SLC35F1: variants seen among roughly 807,000 people sequenced by gnomAD.
SLC35F1 encodes chromosome 6 open reading frame 169.
A neutral mutation model predicts 48.7 loss-of-function variants in SLC35F1; 14 were observed. The ratio of observed to expected loss-of-function variants is 0.29; its 90% CI spans 0.19 to 0.45. The LOEUF is 0.45. SLC35F1 is among the 20% of genes least tolerant of loss of function. The pLI is 1.00. For synonymous variants in SLC35F1, 190 were observed against 202.2 expected, an observed-to-expected ratio of 0.94 and a Z score of 0.51; for missense variants, 404 against 500.0, an observed-to-expected ratio of 0.81 and a Z score of 1.83.
intron 1 of SLC35F1, among the ~76,000 whole-genome samples, chr6:118,126,834 A>G (rs1005590750): frequency 2.0e-5 from 3 of 151,766 alleles, no homozygotes; most frequent in African/African-American, 7.2e-5. Flanking sequence ...TTGATTTTGT[A>G]TCCTGAGACT....
At position 117,924,492 on chromosome 6, in the gene SLC35F1, ACATATGTATATACG is replaced by A. The variant is rs1562239546; in HGVS notation, c.173+16594_173+16607del. On this transcript the variant is annotated intron_variant, in intron 1 of 7. Coordinates refer to ENST00000360388, the MANE Select transcript of SLC35F1 (RefSeq NM_001029858.4). ...TATATACATATGTATATACGTATAT[ACATATGTATATACG>A]TATATACATATATATATGTCAAGTT... 5.4e-4 allele frequency among the ~76,000 whole-genome samples: 12 copies of A among 22,050 alleles called. 1 individual carries two copies. The highest frequency in any genetic ancestry group is 1.0e-3 in the African/African-American group (12 of 11,912). 14.5% of individuals were successfully genotyped at this position (22,050 alleles called of 152,430 possible).
chr6:118,007,458 C>G lies in SLC35F1; in HGVS notation c.173+99559C>G, dbSNP rs1425905875. On this transcript the variant is annotated intron_variant, in intron 1 of 7. Coordinates refer to ENST00000360388, the MANE Select transcript of SLC35F1 (RefSeq NM_001029858.4). Reference sequence around the variant, plus strand: ...GTGGTCTTCCACCAAGCTGTAATCCCCATGGTTGTAGTGACTTCAGGGGTG... The same window carrying G: ...GTGGTCTTCCACCAAGCTGTAATCCGCATGGTTGTAGTGACTTCAGGGGTG... Among the ~76,000 whole-genome samples the G allele has an allele frequency of 2.0e-5, 3 of 152,102 alleles. No homozygotes were observed. In the East Asian group the frequency reaches 5.8e-4, roughly 29 times the overall value.
intron 3 of SLC35F1, among the ~76,000 whole-genome samples, chr6:118,235,900 C>G (rs529776191): frequency 6.6e-6 from 1 of 152,066 alleles, no homozygotes; most frequent in East Asian, 1.9e-4. Flanking sequence ...TATGTTTTCT[C>G]TTTGTTTTGA....
At chr6:118,201,734 A>G (rs995159475) in intron 2 of SLC35F1, among the ~76,000 whole-genome samples, 10 of 152,216 alleles carry the variant, frequency 6.6e-5, no homozygotes, top group Non-Finnish European at 1.0e-4. Context: ...ACATCACCCA[A>G]AAAGAAATCC....
chr6:117,998,842 A>C (rs1777040775), intron 1 of SLC35F1: 1 of 546,838 alleles, frequency 1.8e-6, no homozygotes, highest in South Asian at 2.0e-5. Context: ...CAAAATTGAC[A>C]CCCTAACATC....
intron 1 of SLC35F1, among the ~76,000 whole-genome samples, chr6:118,107,619 A>G (rs754929506): frequency 1.1e-4 from 17 of 152,226 alleles, no homozygotes; most frequent in Non-Finnish European, 1.5e-4. Flanking sequence ...AGAATGGGAC[A>G]GAAATGGAGA....
chr6:118,207,600 G>A (rs928117777), intron 2 of SLC35F1, among the ~76,000 whole-genome samples: 3 of 152,168 alleles, frequency 2.0e-5, no homozygotes, highest in Non-Finnish European at 4.4e-5. Context: ...GCAGGGATGG[G>A]GAGAGAAGTG....
In SLC35F1 at chr6:118,153,049, C is replaced by T. The variant is rs374710352; in HGVS notation, c.174-1396C>T. Reference sequence around the variant, plus strand: ...ACATGCCTTACCACAACTTTTCCTCCTCATGGAAGCAGATGGAATGAACAA... The same window carrying T: ...ACATGCCTTACCACAACTTTTCCTCTTCATGGAAGCAGATGGAATGAACAA... On this transcript the variant is annotated intron_variant, in intron 1 of 7. Transcript: ENST00000360388. 6.6e-5 allele frequency among the ~76,000 whole-genome samples: 10 copies of T among 152,168 alleles called. No individual in the cohort carries two copies. In the East Asian group the frequency reaches 7.7e-4, roughly 12 times the overall value.
At chr6:118,277,235 CTGTT>C (rs1229306220) in intron 5 of SLC35F1, among the ~76,000 whole-genome samples, 2 of 152,178 alleles carry the variant, frequency 1.3e-5, no homozygotes, top group East Asian at 3.9e-4. Context: ...TGTAGGCAGA[CTGTT>C]TGGGTGAGAA....
intron 3 of SLC35F1, among the ~76,000 whole-genome samples, chr6:118,257,160 G>GTC (rs60219062): frequency 1.3e-3 from 194 of 148,566 alleles, no homozygotes; most frequent in South Asian, 5.6e-3. Flanking sequence ...GGAAAAAACT[G>GTC]TCTCTCTCTC....
intron 2 of SLC35F1, 35 bp from the exon 3 acceptor site, chr6:118,235,474 A>T (rs1387007973): frequency 6.3e-7 from 1 of 1,593,422 alleles, no homozygotes; most frequent in African/African-American, 1.3e-5. Flanking sequence ...CTATTTCAGG[A>T]ACCTAACCCA....
At chr6:118,272,775 A>G (rs1775872780) in intron 4 of SLC35F1, among the ~76,000 whole-genome samples, 2 of 147,058 alleles carry the variant, frequency 1.4e-5, no homozygotes, top group African/African-American at 2.5e-5. Context: ...GTATATATAT[A>G]TACCATTTTT....
At position 118,223,473 on chromosome 6, in the gene SLC35F1, CAG is replaced by C. The variant is rs1399671769; in HGVS notation, c.350-12033_350-12032del. ...CAAGGTGACACAGCCAGTTATGTGG[CAG>C]AGTCAGTACTTTAACAGGTCTCTCT... On this transcript the variant is annotated intron_variant, in intron 2 of 7. Coordinates refer to ENST00000360388, the MANE Select transcript of SLC35F1 (RefSeq NM_001029858.4). Among the ~76,000 whole-genome samples the C allele has an allele frequency of 2.0e-5, 3 of 152,158 alleles. No homozygotes were observed. The East Asian group carries it at 5.8e-4, about 29-fold the overall frequency.
chr6:117,943,953 A>G (rs1582577364), intron 1 of SLC35F1, among the ~76,000 whole-genome samples: 4 of 152,306 alleles, frequency 2.6e-5, no homozygotes. Context: ...TCTGGCAACA[A>G]CACTTCCATG....
chr6:117,922,554 G>A (rs1029096306), intron 1 of SLC35F1, among the ~76,000 whole-genome samples: 1 of 152,226 alleles, frequency 6.6e-6, no homozygotes, highest in South Asian at 2.1e-4. Context: ...TTGCTACATC[G>A]TTAAGTATAT....
intron 2 of SLC35F1, among the ~76,000 whole-genome samples, chr6:118,196,164 T>G (rs892888920): frequency 6.6e-6 from 1 of 151,094 alleles, no homozygotes; most frequent in African/African-American, 2.5e-5. Flanking sequence ...ATTTGCCTTA[T>G]TTGAACACAG....
intron 2 of SLC35F1, among the ~76,000 whole-genome samples, chr6:118,228,975 G>T (rs984577829): frequency 1.3e-5 from 2 of 151,128 alleles, no homozygotes; most frequent in Admixed American, 6.6e-5. Flanking sequence ...AATTCATCTA[G>T]GGTGCTGTCT....
intron 1 of SLC35F1, among the ~76,000 whole-genome samples, chr6:117,913,461 T>C (rs1013952317): frequency 6.6e-6 from 1 of 152,228 alleles, no homozygotes; most frequent in Non-Finnish European, 1.5e-5. Context: ...ATTCATAATC[T>C]GAATTGTTAC....
rs1021641686 is a variant in SLC35F1, at chr6:118,274,650, G to T, written c.638-809G>T. On this transcript the variant is annotated intron_variant, in intron 4 of 7. Coordinates refer to ENST00000360388, the MANE Select transcript of SLC35F1 (RefSeq NM_001029858.4). ...TGATGTCAGGTGATCCACCCGCCTC[G>T]GCCTCCCAAAATGCTAGGATTACAG... 2.0e-5 allele frequency among the ~76,000 whole-genome samples: 3 copies of T among 152,104 alleles called. No homozygotes were observed. In the South Asian group the frequency reaches 6.2e-4, roughly 32 times the overall value.
Sources: gnomAD v4.1 joint callset for allele counts (sites outside exome capture counted in the v4.1 genomes callset) on GRCh38, gnomAD v4.1.1 for gene constraint, MANE v1.5 for transcripts, NCBI Gene and HGNC (gene_info 2026-07-23, HGNC 2026-07-21) for gene names.